SLC14A2: variants seen among roughly 807,000 people sequenced by gnomAD.
The protein encoded by SLC14A2 is solute carrier family 14 member 2, also known as urea transporter 2.
In SLC14A2, 91 loss-of-function variants were observed where a neutral mutation model predicts 104.6. The observed-to-expected ratio is 0.87, with a 90% confidence interval of 0.73 to 1.04. The LOEUF (loss-of-function observed/expected upper bound fraction) is 1.04. Ranked by LOEUF, SLC14A2 falls within the 50% of genes least tolerant of loss-of-function variation. The probability of loss-of-function intolerance (pLI) is 0.00; values close to 1 mark genes in which losing one functional copy is unlikely to be tolerated. For missense variants in SLC14A2, 1,189 were observed against 1,156.0 expected, an observed-to-expected ratio of 1.03 and a Z score of -0.41; for synonymous variants, 476 against 466.4, an observed-to-expected ratio of 1.02 and a Z score of -0.27.
intron 5 of SLC14A2, among the ~76,000 whole-genome samples, chr18:45,633,825 A>C (rs1261303204): frequency 1.3e-5 from 2 of 152,198 alleles, no homozygotes; most frequent in Non-Finnish European, 2.9e-5. Context: ...CTTGCAAATA[A>C]ATTACTACAT....
intron 2 of SLC14A2, among the ~76,000 whole-genome samples, chr18:45,532,418 T>A (rs2043707889): frequency 6.6e-6 from 1 of 151,590 alleles, no homozygotes; most frequent in Non-Finnish European, 1.5e-5. Flanking sequence ...GTCCTTCACA[T>A]CCCTTGTAAG....
At chr18:45,682,297 T>C (rs1265839145) in intron 19 of SLC14A2, 22 bp from the exon 20 acceptor site, 11 of 1,611,920 alleles carry the variant, frequency 6.8e-6, no homozygotes, top group African/African-American at 2.7e-5. Context: ...GACCAAGGCT[T>C]ATCTGTGTTC....
intron 2 of SLC14A2, among the ~76,000 whole-genome samples, chr18:45,558,965 T>C (rs1284153649): frequency 6.6e-6 from 1 of 152,110 alleles, no homozygotes; most frequent in African/African-American, 2.4e-5. Flanking sequence ...TAATTTTTTG[T>C]ATTTTAGTAG....
intron 2 of SLC14A2, among the ~76,000 whole-genome samples, chr18:45,494,142 C>T (rs569323830): frequency 7.1e-4 from 108 of 152,252 alleles, no homozygotes; most frequent in Non-Finnish European, 1.3e-3. Flanking sequence ...GATCTGGAGA[C>T]CAGGAAGGCA....
At chr18:45,592,331 C>G (rs1487120553) in intron 2 of SLC14A2, among the ~76,000 whole-genome samples, 1 of 152,098 alleles carries the variant, frequency 6.6e-6, no homozygotes, top group African/African-American at 2.4e-5. Context: ...TAAAAATCCA[C>G]CAACTCTCTG....
In SLC14A2 at chr18:45,414,744, T is replaced by TAAAAAAAAAA. The variant is rs531366886; in HGVS notation, c.-124-68484_-124-68475dup. ...CAGGTGCGGTGCAAGGCACCGAGCG[T>TAAAAAAAAAA]AAAAAAAAAAAAAATATATATATAT... On this transcript the variant is annotated intron_variant, in intron 1 of 20. Coordinates refer to the SLC14A2 transcript ENST00000586448. 8.8e-4 allele frequency among the ~76,000 whole-genome samples: 46 copies of TAAAAAAAAAA among 52,336 alleles called. 1 individual carries two copies. Among genetic ancestry groups the TAAAAAAAAAA allele is most frequent in the Admixed American group, 1.7e-3 (6 of 3,590 alleles). The allele number at this position is 52,336 out of a possible 152,430, so 34.3% of individuals were successfully genotyped here.
intron 1 of SLC14A2, among the ~76,000 whole-genome samples, chr18:45,272,752 G>T (rs1374557605): frequency 6.6e-6 from 1 of 152,070 alleles, no homozygotes; most frequent in African/African-American, 2.4e-5. Flanking sequence ...GTAACTTAAA[G>T]AATATAATTG....
At chr18:45,194,578 G>A in the SLC14A2 span, among the ~76,000 whole-genome samples, 4 of 151,488 alleles carry the variant, frequency 2.6e-5, no homozygotes, top group African/African-American at 4.8e-5. Context: ...TATATGTATC[G>A]TGAGATCTAA....
chr18:45,280,809 C>T (rs936063530), intron 1 of SLC14A2, among the ~76,000 whole-genome samples: 17 of 152,192 alleles, frequency 1.1e-4, no homozygotes, highest in Admixed American at 2.6e-4. Context: ...CCTCTTGAAT[C>T]ATCTCTGAAG....
chr18:45,658,682 C>T (rs2045884507), intron 10 of SLC14A2, among the ~76,000 whole-genome samples: 1 of 151,912 alleles, frequency 6.6e-6, no homozygotes, highest in South Asian at 2.1e-4. Context: ...TATTATTTCC[C>T]CTCTGAAAGA....
chr18:45,295,692 C>T (rs1167062269), intron 1 of SLC14A2, among the ~76,000 whole-genome samples: 1 of 152,180 alleles, frequency 6.6e-6, no homozygotes, highest in African/African-American at 2.4e-5. Context: ...TATCTGAAGC[C>T]TGCCTTTTCA....
intron 2 of SLC14A2, chr18:45,493,218 C>A (rs961916359): frequency 3.3e-5 from 5 of 152,180 alleles, no homozygotes; most frequent in Non-Finnish European, 7.3e-5. Flanking sequence ...GAAGACAGAC[C>A]TTACACCATC....
intron 2 of SLC14A2, among the ~76,000 whole-genome samples, chr18:45,541,391 G>A (rs1416994827): frequency 6.6e-6 from 1 of 152,200 alleles, no homozygotes; most frequent in Non-Finnish European, 1.5e-5. Flanking sequence ...CTAGAGACAG[G>A]TTGCCTTTGA....
chr18:45,200,371 T>A, the SLC14A2 span, among the ~76,000 whole-genome samples: 1 of 152,194 alleles, frequency 6.6e-6, no homozygotes, highest in African/African-American at 2.4e-5. Flanking sequence ...ATGGAGAAAC[T>A]AATGCCTTCC....
intron 2 of SLC14A2, among the ~76,000 whole-genome samples, chr18:45,502,213 G>T (rs892341003): frequency 1.3e-5 from 2 of 152,226 alleles, no homozygotes; most frequent in Non-Finnish European, 1.5e-5. Flanking sequence ...GGGTGGGGTT[G>T]TTAAACTCAC....
intron 2 of SLC14A2, among the ~76,000 whole-genome samples, chr18:45,487,534 G>A (rs1175189215): frequency 6.6e-6 from 1 of 152,216 alleles, no homozygotes; most frequent in African/African-American, 2.4e-5. Context: ...AGTCAGTAGA[G>A]AGTTGGTTGG....
At chr18:45,272,981 T>G (rs2084666113) in intron 1 of SLC14A2, among the ~76,000 whole-genome samples, 1 of 152,096 alleles carries the variant, frequency 6.6e-6, no homozygotes, top group Non-Finnish European at 1.5e-5. Context: ...AACCCTACAC[T>G]GCTATATCCA....
At chr18:45,605,168 C>T (rs756338881) in intron 2 of SLC14A2, among the ~76,000 whole-genome samples, 7 of 152,170 alleles carry the variant, frequency 4.6e-5, no homozygotes, top group Non-Finnish European at 7.4e-5. Flanking sequence ...TCTTCACGCA[C>T]GGTAGACAAG....
chr18:45,587,210 A>G (rs1394039157), intron 2 of SLC14A2, among the ~76,000 whole-genome samples: 1 of 152,120 alleles, frequency 6.6e-6, no homozygotes, highest in African/African-American at 2.4e-5. Context: ...CCTGGCCTCA[A>G]GTGATCCGCC....
Sources: allele counts gnomAD v4.1 joint callset (sites outside exome capture counted in the v4.1 genomes callset), GRCh38; gene constraint gnomAD v4.1.1; transcripts MANE v1.5; gene names NCBI Gene and HGNC (gene_info 2026-07-23, HGNC 2026-07-21).